CCDC159: variants seen among roughly 807,000 people sequenced by gnomAD.
The protein encoded by CCDC159 is coiled-coil domain-containing protein 159.
Under a neutral mutation model 50.9 loss-of-function variants are expected in CCDC159, and 40 were observed. That is an observed-to-expected ratio of 0.79 (90% CI 0.61 to 1.02). The LOEUF (loss-of-function observed/expected upper bound fraction) is 1.02. Ranked by LOEUF, CCDC159 falls within the 50% of genes least tolerant of loss-of-function variation. CCDC159 has a pLI of 0.00. For synonymous variants in CCDC159, 146 were observed against 138.9 expected, an observed-to-expected ratio of 1.05 and a Z score of -0.36; for missense variants, 356 against 371.5, an observed-to-expected ratio of 0.96 and a Z score of 0.34.
intron 7 of CCDC159, 193 bp from the exon 8 acceptor site, chr19:11,353,258 G>A (rs777898029): frequency 5.1e-5 from 21 of 411,040 alleles, no homozygotes; most frequent in Non-Finnish European, 7.9e-5. Flanking sequence ...CCGCCACCAC[G>A]CCCGGCTAAC....
Position 11,350,952 on chromosome 19 carries a change from G to C in CCDC159, c.371G>C (p.Arg124Pro). 1 of 1,554,440 alleles carries C rather than the reference G, an allele frequency of 6.4e-7. No individual in the cohort carries two copies. Among genetic ancestry groups the C allele is most frequent in the Non-Finnish European group, 8.7e-7 (1 of 1,149,190 alleles). Residue 124 changes from arginine to proline, a missense_variant, in exon 5 of 11, where the codon CGG becomes CCG. By Grantham distance (103) the Arg-to-Pro change is moderately radical (BLOSUM62 -2). Transcript: ENST00000458408. ...KTLRDSEEMQ[R>P]ARTTRCLQLL... ...CTGCGTGACAGTGAGGAGATGCAGC[G>C]GGCCCGCACCACTCGCTGCCTGCAG...
At chr19:11,350,729 C>A in intron 4 of CCDC159, 79 bp from the exon 5 acceptor site, 2 of 1,385,008 alleles carry the variant, frequency 1.4e-6, no homozygotes, top group Non-Finnish European at 1.9e-6. Flanking sequence ...TTGGGAGAGT[C>A]TGGGTTCTGG....
Position 11,349,642 on chromosome 19 carries a change from T to C in CCDC159, c.22-12T>C, listed in dbSNP as rs780168889. The C allele has an allele frequency of 6.2e-7, 1 of 1,613,172 alleles. No individual in the cohort carries two copies. Among genetic ancestry groups the C allele is most frequent in the South Asian group, 1.1e-5 (1 of 90,880 alleles). On this transcript the variant is annotated splice_polypyrimidine_tract_variant and intron_variant, in intron 1 of 10. Coordinates refer to ENST00000458408, the MANE Select transcript of CCDC159 (RefSeq NM_001080503.3). ...GACAAATTTCTACTCCCATCTCATCTCTCTTCCTTAGAAGCCCTTGGAGAC... is the reference window on the plus strand; with the variant it reads ...GACAAATTTCTACTCCCATCTCATCCCTCTTCCTTAGAAGCCCTTGGAGAC...
At chr19:11,351,762 G>T in intron 5 of CCDC159, 144 bp from the exon 6 acceptor site, 1 of 661,284 alleles carries the variant, frequency 1.5e-6, no homozygotes, top group East Asian at 2.8e-5. Context: ...ATGAGGGTAG[G>T]GGGATTGTAG....
intron 1 of CCDC159, chr19:11,348,772 C>T: frequency 1.9e-6 from 1 of 521,844 alleles, no homozygotes. Flanking sequence ...GGCCGGCCTA[C>T]CCCGGGACCC....
At chr19:11,349,917 C>T in intron 2 of CCDC159, 21 bp from the exon 3 acceptor site, 3 of 1,612,332 alleles carry the variant, frequency 1.9e-6, no homozygotes, top group Non-Finnish European at 2.5e-6. Context: ...AGCCCTGGCT[C>T]ACCCTCTTCT....
At chr19:11,349,916 T>C in intron 2 of CCDC159, 22 bp from the exon 3 acceptor site, 1 of 1,612,174 alleles carries the variant, frequency 6.2e-7, no homozygotes, top group Non-Finnish European at 8.5e-7. Flanking sequence ...CAGCCCTGGC[T>C]CACCCTCTTC....
chr19:11,354,501 G>A, intron 9 of CCDC159, 79 bp from the exon 10 acceptor site: 1 of 1,285,404 alleles, frequency 7.8e-7, no homozygotes, highest in Middle Eastern at 1.9e-4. Context: ...GTATCAATGA[G>A]GTATACTATG....
intron 10 of CCDC159, 23 bp downstream of exon 10, chr19:11,354,719 C>A (rs200875587): frequency 2.5e-6 from 4 of 1,606,230 alleles, no homozygotes; most frequent in African/African-American, 1.3e-5. Context: ...CCCAGTCCCC[C>A]CCTCCACCCA....
At position 11,354,914 on chromosome 19, in the gene CCDC159, G is replaced by C. The variant is rs1967809696; in HGVS notation, c.*37G>C. The C allele has an allele frequency of 6.2e-7, 1 of 1,611,742 alleles. No individual in the cohort carries two copies. Among genetic ancestry groups the C allele is most frequent in the Non-Finnish European group, 8.5e-7 (1 of 1,178,236 alleles). On this transcript the variant is annotated 3_prime_UTR_variant, in exon 11 of 11. Coordinates refer to ENST00000458408, the MANE Select transcript of CCDC159 (RefSeq NM_001080503.3). ...TGCTCTCCCTGAAGACCCCTCCAGA[G>C]AGAAAATAAACTAGCCCAGACCCTC...
intron 9 of CCDC159, 43 bp downstream of exon 9, chr19:11,353,917 C>G: frequency 6.8e-7 from 1 of 1,477,248 alleles, no homozygotes; most frequent in Non-Finnish European, 9.1e-7. Flanking sequence ...AGGTCATTGT[C>G]TAGCTTCACA....
rs1390901709 is a variant in CCDC159 at position 11,354,870 on chromosome 19, C to G, written c.890-3C>G. On this transcript the variant is annotated splice_polypyrimidine_tract_variant and splice_region_variant and intron_variant, in intron 10 of 10. Transcript: ENST00000458408. ...GGCCCTGACCCACCCTCTCTCTCCA[C>G]AGCTTGAGCAGCCGGGACTGCTCTC... 4 of 1,613,440 alleles carry G rather than the reference C, an allele frequency of 2.5e-6. No individual in the cohort carries two copies.
rs1967776591 is a variant in CCDC159 at position 11,354,556 on chromosome 19, TCAGGGAACCTGTCCCTC to T, written c.773-22_773-6del. On this transcript the variant is annotated splice_region_variant and splice_polypyrimidine_tract_variant and intron_variant, in intron 9 of 10. Transcript: ENST00000458408. ...TTTGGGGGTTACTTGAGGGTCACAT[TCAGGGAACCTGTCCCTC>T]CTGCAGGCCACAAGGGGCACCAGTG... 10 of 1,554,730 alleles carry T rather than the reference TCAGGGAACCTGTCCCTC, an allele frequency of 6.4e-6. No homozygotes were observed. In the East Asian group the frequency reaches 2.4e-4, roughly 37 times the overall value.
chr19:11,347,077 A>AT (rs1347937887), intron 1 of CCDC159, among the ~76,000 whole-genome samples: 2 of 152,044 alleles, frequency 1.3e-5, no homozygotes, highest in African/African-American at 4.8e-5. Flanking sequence ...AACCCAGGCC[A>AT]TCTAGCTGGA....
intron 7 of CCDC159, among the ~76,000 whole-genome samples, chr19:11,352,803 T>C (rs1296441051): frequency 2.0e-5 from 3 of 151,944 alleles, no homozygotes; most frequent in African/African-American, 7.3e-5. Context: ...TGGTGGCACA[T>C]GCCTGTAGAC....
rs1967527870 is a variant in CCDC159 at position 11,350,818 on chromosome 19, C to T, written c.237C>T (p.Ser79=). ...IKIQQLEEVL[S]PTGRQGEKEE... ...CCACACTCTCTGCAGAGGTGCTGAG[C>T]CCCACAGGCCGCCAGGGAGAGAAGG... The change falls in exon 5 of 11, where the codon AGC becomes AGT. Residue 79 remains serine (S), a synonymous_variant. Coordinates refer to ENST00000458408, the MANE Select transcript of CCDC159 (RefSeq NM_001080503.3). The T allele has an allele frequency of 1.3e-6, 2 of 1,547,698 alleles. No individual in the cohort carries two copies. The highest frequency in any genetic ancestry group is 2.0e-5 in the Admixed American group (1 of 50,744).
intron 5 of CCDC159, 97 bp from the exon 6 acceptor site, chr19:11,351,809 G>A (rs1417889177): frequency 9.5e-7 from 1 of 1,048,000 alleles, no homozygotes; most frequent in African/African-American, 1.6e-5. Flanking sequence ...TGTGGGGAGG[G>A]GACAGAGCTT....
At chr19:11,354,545 G>A (rs764733230) in intron 9 of CCDC159, 35 bp from the exon 10 acceptor site, 65 of 1,542,012 alleles carry the variant, frequency 4.2e-5, no homozygotes, top group Non-Finnish European at 5.7e-5. Flanking sequence ...GGGGTTACTT[G>A]AGGGTCACAT....
chr19:11,349,548 G>A, intron 1 of CCDC159, 106 bp from the exon 2 acceptor site: 1 of 1,460,332 alleles, frequency 6.8e-7, no homozygotes, highest in Non-Finnish European at 9.4e-7. Flanking sequence ...GGGACACCTA[G>A]AACTGAGGAG....
Sources: gnomAD v4.1 joint callset for allele counts (sites outside exome capture counted in the v4.1 genomes callset) on GRCh38, gnomAD v4.1.1 for gene constraint, MANE v1.5 for transcripts, NCBI Gene and HGNC (gene_info 2026-07-23, HGNC 2026-07-21) for gene names.